The following ETFDH variants were observed in gnomAD, a reference collection of about 807,000 sequenced individuals.
The protein encoded by ETFDH is electron transfer flavoprotein dehydrogenase.
In ETFDH, 61 loss-of-function variants were observed where a neutral mutation model predicts 73.2. The ratio of observed to expected loss-of-function variants is 0.83; its 90% CI spans 0.68 to 1.03. The LOEUF is 1.03. ETFDH is among the 50% of genes least tolerant of loss of function. The pLI, the probability that ETFDH is intolerant of heterozygous loss-of-function variation, is 0.00. For missense variants in ETFDH, 685 were observed against 745.0 expected (o/e 0.92, Z 0.94); for synonymous variants, 243 against 253.3 (o/e 0.96, Z 0.39).
intron 6 of ETFDH, among the ~76,000 whole-genome samples, chr4:158,692,693 TTTATA>T (rs781054532): frequency 4.6e-4 from 69 of 150,532 alleles, no homozygotes; most frequent in African/African-American, 1.6e-3. Context: ...ATTTTTATAT[TTTATA>T]TTATAACAAA....
chr4:158,699,113 A>G lies in ETFDH; in HGVS notation c.1099A>G (p.Asn367Asp), dbSNP rs2150312312. The change falls in exon 9 of 13, where the codon AAT becomes GAT. Residue 367 changes from asparagine to aspartate, a missense_variant. Physicochemically the swap from Asn to Asp is conservative, Grantham distance 23. Around this residue, in one of 3 missense-constraint regions of ETFDH, gnomAD observed 79 missense variants for 120.5 expected, o/e 0.66. Coordinates refer to ENST00000511912, the MANE Select transcript of ETFDH (RefSeq NM_004453.4). ...GATTGCATACGGAGCCAGAGCTCTC[A>G]ATGAAGGTGGCTTTCAGGTAACTCT... ...KRIAYGARALNEGGFQSIPKL... is the reference protein window; with the variant it reads ...KRIAYGARALDEGGFQSIPKL... The G allele has an allele frequency of 1.2e-6, 2 of 1,614,028 alleles. No homozygotes were observed. Among genetic ancestry groups the G allele is most frequent in the Non-Finnish European group, 1.7e-6 (2 of 1,179,898 alleles).
At chr4:158,677,320 A>G (rs1580391678) in intron 1 of ETFDH, among the ~76,000 whole-genome samples, 4 of 152,244 alleles carry the variant, frequency 2.6e-5, no homozygotes, top group African/African-American at 7.2e-5. Flanking sequence ...ACATTAATCA[A>G]TACGTGTAAG....
At chr4:158,692,255 C>G (rs1774185282) in intron 6 of ETFDH, among the ~76,000 whole-genome samples, 1 of 151,980 alleles carries the variant, frequency 6.6e-6, no homozygotes, top group African/African-American at 2.4e-5. Context: ...AAAAAATTAG[C>G]CGGGCGTAGT....
chr4:158,695,578 CTATA>C lies in ETFDH; in HGVS notation c.769_772del (p.Tyr257ArgfsTer5). On this transcript the variant is annotated frameshift_variant, in exon 7 of 13. Transcript: ENST00000511912. LOFTEE classifies it high-confidence loss of function. ...TTGCCATGGACATCTAGCCAAGCAA[CTATA>C]TAAGAAGTTTGATTTGAGAGCAAAT... The C allele has an allele frequency of 6.2e-7, 1 of 1,611,502 alleles. No homozygotes were observed. The highest frequency in any genetic ancestry group is 8.5e-7 in the Non-Finnish European group (1 of 1,177,726).
intron 5 of ETFDH, among the ~76,000 whole-genome samples, chr4:158,689,638 T>TATATATATA (rs1774109566): frequency 1.4e-5 from 1 of 73,742 alleles, no homozygotes; most frequent in Non-Finnish European, 2.7e-5. Flanking sequence ...ATATATATAT[T>TATATATATA]GTGGGGGGGT....
intron 2 of ETFDH, 94 bp from the exon 3 acceptor site, chr4:158,682,101 A>G: frequency 6.4e-7 from 1 of 1,559,460 alleles, no homozygotes; most frequent in Non-Finnish European, 8.8e-7. Context: ...TCCATAAATA[A>G]TACTCTAAAG....
chr4:158,682,843 T>G (rs1306877598), intron 3 of ETFDH, among the ~76,000 whole-genome samples: 1 of 152,068 alleles, frequency 6.6e-6, no homozygotes, highest in Non-Finnish European at 1.5e-5. Context: ...CCCATGTAAC[T>G]CTAAGGGAAT....
chr4:158,672,368 G>GC lies in ETFDH; in HGVS notation c.-83dup, dbSNP rs1773591505. The GC allele has an allele frequency of 4.4e-6, 6 of 1,366,884 alleles. No homozygotes were observed. The highest frequency in any genetic ancestry group is 1.2e-5 in the South Asian group (1 of 86,136). The allele number at this position is 1,366,884 out of a possible 1,614,324, so 84.7% of individuals were successfully genotyped here. On this transcript the variant is annotated 5_prime_UTR_variant, in exon 1 of 13. The change abolishes the stop of an existing upstream ORF in the 5' untranslated region. Transcript: ENST00000511912. ...TTCTTGCTTTCCGGCAGGTGATGGC[G>GC]CCCCCCGCGGCCTAGAGGTCCAGCG... is the stretch of plus-strand genomic sequence containing the variant.
intron 8 of ETFDH, among the ~76,000 whole-genome samples, chr4:158,698,656 TG>T (rs1274587996): frequency 6.6e-6 from 1 of 152,160 alleles, no homozygotes; most frequent in Non-Finnish European, 1.5e-5. Flanking sequence ...TTGTTTTTTT[TG>T]TTGTTGTTCA....
intron 1 of ETFDH, among the ~76,000 whole-genome samples, chr4:158,674,429 C>T (rs1055814500): frequency 4.6e-5 from 7 of 152,060 alleles, no homozygotes; most frequent in Non-Finnish European, 5.9e-5. Flanking sequence ...CCTGAGCTTC[C>T]GTAGTACCTG....
chr4:158,673,640 G>A (rs1182922479), intron 1 of ETFDH, among the ~76,000 whole-genome samples: 5 of 152,170 alleles, frequency 3.3e-5, no homozygotes, highest in East Asian at 1.9e-4. Flanking sequence ...TAAATTTCAT[G>A]TCACCCATGC....
rs35615738 is a variant in ETFDH, at chr4:158,692,399, C to CA, written c.684+1999dup. 6.9e-3 allele frequency among the ~76,000 whole-genome samples: 626 copies of CA among 91,304 alleles called. 14 individuals carry two copies. Among genetic ancestry groups the CA allele is most frequent in the African/African-American group, 0.022 (464 of 21,548 alleles). The allele number at this position is 91,304 out of a possible 152,430, so 59.9% of individuals were successfully genotyped here. A position where few individuals can be genotyped will look rare whatever the true frequency, so the allele number is the denominator to read the frequency against. ...TGGGCTACAGAGCGAGACACCGTCT[C>CA]AAAAAAAAAAAAAAAAAAAAAAAAA... On this transcript the variant is annotated intron_variant, in intron 6 of 12. Transcript: ENST00000511912.
At chr4:158,690,210 C>T (rs1774127053) in intron 5 of ETFDH, 138 bp from the exon 6 acceptor site, 1 of 641,506 alleles carries the variant, frequency 1.6e-6, no homozygotes. Flanking sequence ...CTCTTTATTA[C>T]CTGAACATTT....
In ETFDH at chr4:158,697,686, C is replaced by A; in HGVS notation, c.959C>A (p.Ala320Asp). 6.2e-7 allele frequency: 1 copy of A among 1,613,650 alleles called. No homozygotes were observed. The highest frequency in any genetic ancestry group is 8.5e-7 in the Non-Finnish European group (1 of 1,179,674). The change falls in exon 8 of 13, where the codon GCT becomes GAT. Residue 320 changes from alanine to aspartate, a missense_variant. By Grantham distance (126) the Ala-to-Asp change is moderately radical (BLOSUM62 -2). Coordinates refer to ENST00000511912, the MANE Select transcript of ETFDH (RefSeq NM_004453.4). Reference protein sequence around the residue: ...YHLNEGEPLVALGLVVGLDYQ... With the variant: ...YHLNEGEPLVDLGLVVGLDYQ... ...TTGAATGAAGGTGAACCCCTAGTAG[C>A]TCTTGGTCTTGTGGTAAGTTATATT...
At chr4:158,693,908 A>C (rs1310896608) in intron 6 of ETFDH, among the ~76,000 whole-genome samples, 1 of 152,234 alleles carries the variant, frequency 6.6e-6, no homozygotes, top group Non-Finnish European at 1.5e-5. Context: ...AAAAATTAAC[A>C]ATTCGTAGAA....
intron 9 of ETFDH, among the ~76,000 whole-genome samples, chr4:158,699,732 A>C (rs770278007): frequency 2.0e-5 from 3 of 152,218 alleles, no homozygotes; most frequent in South Asian, 2.1e-4. Context: ...CAGCAAACAT[A>C]ATTCATTCAT....
rs567126725 is a variant in ETFDH, at chr4:158,702,202, T to C, written c.1117-1221T>C. On this transcript the variant is annotated intron_variant, in intron 9 of 12. Transcript: ENST00000511912. ...TTGAAATTTTCAGGTCCACTTAATT[T>C]TGGGGGGAGAGAGGATACAATGTGA... Among the ~76,000 whole-genome samples the C allele has an allele frequency of 2.3e-4, 35 of 152,188 alleles. 1 individual carries two copies. In the South Asian group the frequency reaches 6.4e-3, roughly 28 times the overall value.
chr4:158,690,543 G>A lies in ETFDH; in HGVS notation c.684+118G>A, dbSNP rs568598055. ...AAGAAAACAAAATTAGCTGGGCTTC[G>A]TGGTATACACCTGTAGTCCTAGCTA... On this transcript the variant is annotated intron_variant, in intron 6 of 12. Coordinates refer to ENST00000511912, the MANE Select transcript of ETFDH (RefSeq NM_004453.4). The A allele has an allele frequency of 5.3e-5, 40 of 756,722 alleles. No individual in the cohort carries two copies. The African/African-American group carries it at 5.3e-4, about 10-fold the overall frequency. The allele number at this position is 756,722 out of a possible 1,614,324, so 46.9% of individuals were successfully genotyped here. A position where few individuals can be genotyped will look rare whatever the true frequency, so the allele number is the denominator to read the frequency against.
In ETFDH at chr4:158,676,143, G is replaced by A. The variant is rs533512132; in HGVS notation, c.34+3653G>A. On this transcript the variant is annotated intron_variant, in intron 1 of 12. Transcript: ENST00000511912. Reference sequence around the variant, plus strand: ...TTTTATTACTCAAATCAGTCTCCCCGAAAACTTGGAGACTGGGGATTTTAA... The same window carrying A: ...TTTTATTACTCAAATCAGTCTCCCCAAAAACTTGGAGACTGGGGATTTTAA... 6.6e-5 allele frequency among the ~76,000 whole-genome samples: 10 copies of A among 152,252 alleles called. No homozygotes were observed. The South Asian group carries it at 8.3e-4, about 13-fold the overall frequency.
Sources: allele counts gnomAD v4.1 joint callset (sites outside exome capture counted in the v4.1 genomes callset), GRCh38; gene constraint gnomAD v4.1.1; regional missense constraint gnomAD v4.1.1; transcripts MANE v1.5; gene names NCBI Gene and HGNC (gene_info 2026-07-23, HGNC 2026-07-21).